The following OPN3 variants were observed in gnomAD, a reference collection of about 807,000 sequenced individuals.
The protein encoded by OPN3 is opsin-3.
OPN3 carries 29 observed loss-of-function variants against 33.8 expected under a neutral mutation model. That is an observed-to-expected ratio of 0.86 (90% CI 0.64 to 1.17). OPN3 has a LOEUF of 1.17. OPN3 is among the 50% of genes most tolerant of loss of function. The pLI, the probability that OPN3 is intolerant of heterozygous loss-of-function variation, is 0.00. For missense variants in OPN3, 437 were observed against 514.1 expected, an observed-to-expected ratio of 0.85 and a Z score of 1.45; for synonymous variants, 216 against 216.1, an observed-to-expected ratio of 1.00 and a Z score of 0.00.
At chr1:241,605,916 T>C (rs1663818741) in intron 1 of OPN3, among the ~76,000 whole-genome samples, 1 of 152,258 alleles carries the variant, frequency 6.6e-6, no homozygotes, top group Non-Finnish European at 1.5e-5. Context: ...TTTTATTTTT[T>C]AACCTTTTCC....
In OPN3 at chr1:241,640,182, C is replaced by T; in HGVS notation, c.73G>A (p.Ala25Thr). 7.1e-7 allele frequency: 1 copy of T among 1,403,544 alleles called. No individual in the cohort carries two copies. The highest frequency in any genetic ancestry group is 9.2e-7 in the Non-Finnish European group (1 of 1,083,882). The allele number at this position is 1,403,544 out of a possible 1,614,324, so 86.9% of individuals were successfully genotyped here. A position where few individuals can be genotyped will look rare whatever the true frequency, so the allele number is the denominator to read the frequency against. ...GCGGGGCTCAGTGTCCCCGCCGGCG[C>T]CGGCCCCTCAGCGCCCGCGGCCCCG... ...GGGAAGAEGP[A>T]PAGTLSPAPL... Residue 25 changes from alanine (A) to threonine (T), a missense_variant, in exon 1 of 4, where the codon GCG (alanine) becomes ACG (threonine). Coordinates refer to ENST00000366554, the MANE Select transcript of OPN3 (RefSeq NM_014322.3).
chr1:241,628,515 A>C (rs763832979), intron 1 of OPN3, among the ~76,000 whole-genome samples: 3 of 152,164 alleles, frequency 2.0e-5, no homozygotes, highest in Non-Finnish European at 4.4e-5. Flanking sequence ...GTTCGGTCAC[A>C]TCTATGAATC....
intron 1 of OPN3, among the ~76,000 whole-genome samples, chr1:241,613,047 C>T (rs1023039144): frequency 9.9e-5 from 15 of 152,156 alleles, no homozygotes; most frequent in Admixed American, 9.8e-4. Context: ...TTAAAGAAAA[C>T]CAGTACATTT....
intron 1 of OPN3, chr1:241,635,753 A>G (rs1205898029): frequency 6.2e-7 from 1 of 1,609,462 alleles, no homozygotes; most frequent in South Asian, 1.1e-5. Flanking sequence ...CTCTGTGGGA[A>G]GATTGTCCGC....
chr1:241,606,047 T>A (rs1366059213), intron 1 of OPN3, among the ~76,000 whole-genome samples: 1 of 152,130 alleles, frequency 6.6e-6, no homozygotes, highest in Non-Finnish European at 1.5e-5. Context: ...TAGTAGAGAA[T>A]GTAAAACACG....
At chr1:241,635,338 G>T (rs745656315) in intron 1 of OPN3, 1 of 1,613,914 alleles carries the variant, frequency 6.2e-7, no homozygotes, top group Non-Finnish European at 8.5e-7. Context: ...ACGATAACTG[G>T]CTTTCTTCAG....
chr1:241,618,985 T>C (rs1664206413), intron 1 of OPN3, among the ~76,000 whole-genome samples: 1 of 151,476 alleles, frequency 6.6e-6, no homozygotes, highest in Admixed American at 6.6e-5. Flanking sequence ...TATATATATA[T>C]ATATATTTCA....
At chr1:241,615,021 T>A (rs139294074) in intron 1 of OPN3, among the ~76,000 whole-genome samples, 234 of 152,326 alleles carry the variant, frequency 1.5e-3, no homozygotes, top group African/African-American at 5.5e-3. Context: ...CAGGAAAGGA[T>A]ATTGAACAAG....
rs1663572317 is a variant in OPN3 at position 241,597,988 on chromosome 1, C to T, written c.703G>A (p.Val235Met). Residue 235 changes from valine (V) to methionine (M), a missense_variant, in exon 3 of 4, where the codon GTG (valine) becomes ATG (methionine). Val to Met is a conservative substitution (Grantham distance 21). Transcript: ENST00000366554. ...ILYSIRMLRC[V>M]EDLQTIQVIK... ...ACTTGAATTGTCTGAAGATCTTCCA[C>T]ACAACGAAGCTGCAGAAAGGAGAAA... 1 of 1,613,032 alleles carries T rather than the reference C, an allele frequency of 6.2e-7. No homozygotes were observed. The highest frequency in any genetic ancestry group is 8.5e-7 in the Non-Finnish European group (1 of 1,179,686).
At chr1:241,639,788 CGGGGCGGGCTGG>C in intron 1 of OPN3, 82 bp downstream of exon 1, 1 of 1,072,074 alleles carries the variant, frequency 9.3e-7, no homozygotes, top group African/African-American at 4.3e-5. Context: ...GGAAGCGGTG[CGGGGCGGGCTGG>C]GGGGCGGACG....
chr1:241,599,423 CTA>C (rs1397156037), intron 2 of OPN3, among the ~76,000 whole-genome samples: 1 of 151,720 alleles, frequency 6.6e-6, no homozygotes. Context: ...TCAGAGATAA[CTA>C]TTTTTATTTA....
chr1:241,624,901 C>T (rs1664372933), intron 1 of OPN3, among the ~76,000 whole-genome samples: 1 of 152,184 alleles, frequency 6.6e-6, no homozygotes, highest in Admixed American at 6.5e-5. Flanking sequence ...TTTGTCTTCA[C>T]ATTGTCTATT....
chr1:241,633,855 G>A, intron 1 of OPN3: 2 of 1,613,890 alleles, frequency 1.2e-6, no homozygotes, highest in Non-Finnish European at 1.7e-6. Context: ...GAGGATTCTA[G>A]TTTGGCCATT....
rs1466698580 is a variant in OPN3, at chr1:241,640,205, C to T, written c.50G>A (p.Gly17Glu). Reference sequence around the variant, plus strand: ...CGCCGGCCCCTCAGCGCCCGCGGCCCCGCCGCCGTCCCAGTAGCCGTGGCC... The same window carrying T: ...CGCCGGCCCCTCAGCGCCCGCGGCCTCGCCGCCGTCCCAGTAGCCGTGGCC... ...SGGHGYWDGG[G>E]AAGAEGPAPA... The change falls in exon 1 of 4, where the codon GGG (glycine) becomes GAG (glutamate). Residue 17 changes from glycine (G) to glutamate (E), a missense_variant. By Grantham distance (98) the Gly-to-Glu change is moderately conservative. Transcript: ENST00000366554. 7.3e-7 allele frequency: 1 copy of T among 1,361,908 alleles called. No individual in the cohort carries two copies. Among genetic ancestry groups the T allele is most frequent in the Non-Finnish European group, 9.4e-7 (1 of 1,064,314 alleles). 84.4% of individuals were successfully genotyped at this position (1,361,908 alleles called of 1,614,324 possible).
chr1:241,604,662 A>T (rs1663777538), intron 1 of OPN3, 83 bp from the exon 2 acceptor site: 1 of 1,234,778 alleles, frequency 8.1e-7, no homozygotes, highest in African/African-American at 1.5e-5. Context: ...TCCACTGGAA[A>T]TACCTTACAG....
At chr1:241,635,545 A>T (rs1463425767) in intron 1 of OPN3, 2 of 1,614,092 alleles carry the variant, frequency 1.2e-6, no homozygotes, top group South Asian at 2.2e-5. Context: ...CCTGCCATAC[A>T]ACAGTACTTT....
intron 1 of OPN3, among the ~76,000 whole-genome samples, chr1:241,618,303 T>C (rs1664189191): frequency 6.6e-6 from 1 of 152,194 alleles, no homozygotes; most frequent in Non-Finnish European, 1.5e-5. Context: ...ACGAAACTCC[T>C]GAGGAGATGG....
intron 1 of OPN3, chr1:241,635,776 T>C (rs1029495178): frequency 6.2e-7 from 1 of 1,602,460 alleles, no homozygotes; most frequent in Non-Finnish European, 8.5e-7. Flanking sequence ...TTTTAGGAAG[T>C]AACAGCGTCT....
At chr1:241,630,900 T>C (rs530181003) in intron 1 of OPN3, 16 of 152,198 alleles carry the variant, frequency 1.1e-4, no homozygotes, top group South Asian at 8.3e-4. Context: ...TCCTGAGTGA[T>C]AGTAAATTAT....
Sources: gnomAD v4.1 joint callset for allele counts (sites outside exome capture counted in the v4.1 genomes callset) on GRCh38, gnomAD v4.1.1 for gene constraint, MANE v1.5 for transcripts, NCBI Gene and HGNC (gene_info 2026-07-23, HGNC 2026-07-21) for gene names.